C4orf50: variants seen among roughly 807,000 people sequenced by gnomAD.
C4orf50 encodes uncharacterized protein C4orf50.
A neutral mutation model predicts 77.2 loss-of-function variants in C4orf50; 80 were observed. The observed-to-expected ratio is 1.04, with a 90% CI of 0.87 to 1.25. The LOEUF (loss-of-function observed/expected upper bound fraction) is 1.25, where lower values mean the gene tolerates loss of function less well. C4orf50 is among the 50% of genes most tolerant of loss of function. C4orf50 has a pLI of 0.00. For missense variants in C4orf50, 1,257 were observed against 1,152.9 expected (o/e 1.09, Z -1.31); for synonymous variants, 532 against 465.3 (o/e 1.14, Z -1.84).
At chr4:5,930,144 C>T (rs1450223943) in intron 7 of C4orf50, among the ~76,000 whole-genome samples, 5 of 152,130 alleles carry the variant, frequency 3.3e-5, no homozygotes, top group African/African-American at 1.2e-4. Context: ...CACTGAGAAT[C>T]GGGGAGCCTG....
chr4:5,982,623 A>G (rs1720654082), intron 28 of C4orf50, among the ~76,000 whole-genome samples: 1 of 152,172 alleles, frequency 6.6e-6, no homozygotes, highest in African/African-American at 2.4e-5. Context: ...GACAGTACCA[A>G]TTTGTAGCAT....
exon 28 of C4orf50, chr4:5,989,542 C>T: frequency 1.3e-6 from 2 of 1,536,144 alleles, no homozygotes; most frequent in Non-Finnish European, 1.7e-6. Flanking sequence ...GTTCTCTCCC[C>T]TACATGCAGA....
chr4:6,017,666 T>G lies in C4orf50; in HGVS notation c.287+479A>C, dbSNP rs1347558991. Among the ~76,000 whole-genome samples, 1 of 152,162 alleles carries G rather than the reference T, an allele frequency of 6.6e-6. No homozygotes were observed. The highest frequency in any genetic ancestry group is 1.5e-5 in the Non-Finnish European group (1 of 68,034). On this transcript the variant is annotated intron_variant, in intron 23 of 33. Transcript: ENST00000531445. This position sits in a 1 kb window ranked among gnomAD's most constrained non-coding sequence, Gnocchi z 4.7. ...TGGGTTGGGGATGGAAGGTTTGCTG[T>G]GTGGACATCTACTTGTCTGGCGGCT...
intron 25 of C4orf50, among the ~76,000 whole-genome samples, chr4:5,996,368 TG>T (rs916898151): frequency 1.3e-5 from 2 of 152,134 alleles, no homozygotes; most frequent in Non-Finnish European, 2.9e-5. Flanking sequence ...TGGATCTGGT[TG>T]CTCCCTGCTT....
chr4:5,962,673 C>T (rs868745885), intron 33 of C4orf50, among the ~76,000 whole-genome samples: 5 of 152,228 alleles, frequency 3.3e-5, no homozygotes, highest in Non-Finnish European at 7.3e-5. Context: ...CCAGCTCTGC[C>T]GCTTATGAGC....
chr4:5,921,016 C>G (rs1717245959), intron 7 of C4orf50, among the ~76,000 whole-genome samples: 1 of 152,196 alleles, frequency 6.6e-6, no homozygotes, highest in African/African-American at 2.4e-5. Flanking sequence ...CTGACCACAG[C>G]TGGGATTTCT....
At chr4:5,931,010 T>G (rs558999113) in intron 7 of C4orf50, among the ~76,000 whole-genome samples, 1 of 152,174 alleles carries the variant, frequency 6.6e-6, no homozygotes, top group African/African-American at 2.4e-5. Context: ...ACAGTTCAGG[T>G]CCAGCTGGCA....
exon 28 of C4orf50, chr4:5,989,357 T>C: frequency 6.5e-7 from 1 of 1,536,020 alleles, no homozygotes; most frequent in African/African-American, 1.4e-5. Context: ...TGAGGCAGTG[T>C]CCCTGGGTTA....
Position 5,943,286 on chromosome 4 carries a change from A to ATCT in C4orf50, c.*2474+13612_*2474+13614dup, listed in dbSNP as rs1239578304. Among the ~76,000 whole-genome samples, 12 of 152,354 alleles carry ATCT rather than the reference A, an allele frequency of 7.9e-5. No individual in the cohort carries two copies. The East Asian group carries it at 2.3e-3, about 29-fold the overall frequency. ...TCTGAACACAACAGAACCGAACAGT[A>ATCT]TCTTCATGGTTCTGTTTCTTTGCAT... On this transcript the variant is annotated intron_variant, in intron 7 of 7. Coordinates refer to the C4orf50 transcript ENST00000324058.
rs1381191514 is a variant in C4orf50 at position 6,000,987 on chromosome 4, C to T, written c.964-6511G>A. 1.8e-4 allele frequency among the ~76,000 whole-genome samples: 28 copies of T among 152,104 alleles called. No individual in the cohort carries two copies. The highest frequency in any genetic ancestry group is 1.6e-3 in the Admixed American group (25 of 15,270). ...AAGTGGCAGGAGAGCCCACCTCCAC[C>T]GGAAGTTAGAGCAAGTGATACCAGA... On this transcript the variant is annotated intron_variant, in intron 25 of 33. Transcript: ENST00000531445. The surrounding 1 kb of genome is among the most constrained non-coding windows in gnomAD (Gnocchi z 6.0).
chr4:5,966,197 C>T (rs981912542), intron 32 of C4orf50, among the ~76,000 whole-genome samples: 1 of 152,132 alleles, frequency 6.6e-6, no homozygotes, highest in Non-Finnish European at 1.5e-5. Context: ...AAAAGTAGGC[C>T]GGGTGCAGTG....
chr4:5,934,456 G>A (rs571579594), intron 7 of C4orf50, among the ~76,000 whole-genome samples: 56 of 152,284 alleles, frequency 3.7e-4, no homozygotes, highest in African/African-American at 1.3e-3. Flanking sequence ...TGCAGGAGAA[G>A]CTCCAGGCTC....
chr4:5,943,557 T>A lies in C4orf50; in HGVS notation c.*2474+13344A>T, dbSNP rs28719502. On this transcript the variant is annotated intron_variant, in intron 7 of 7. Transcript: ENST00000324058. ...AGACCTCACTGTGCCTCAGTTTCCT[T>A]ATCTGCAAAATGGGTATCCTCTTTC... Among the ~76,000 whole-genome samples the A allele has an allele frequency of 6.7e-3, 1,017 of 152,298 alleles. 18 individuals are homozygous for A. The highest frequency in any genetic ancestry group is 0.023 in the African/African-American group (974 of 41,546).
chr4:5,963,546 C>T (rs1166827032), intron 33 of C4orf50, among the ~76,000 whole-genome samples: 3 of 151,938 alleles, frequency 2.0e-5, no homozygotes, highest in African/African-American at 7.3e-5. Flanking sequence ...ATTGTCCCAA[C>T]AAGCCTGAGA....
At chr4:5,979,719 C>T (rs1187351968) in intron 29 of C4orf50, among the ~76,000 whole-genome samples, 1 of 152,234 alleles carries the variant, frequency 6.6e-6, no homozygotes, top group East Asian at 1.9e-4. Flanking sequence ...TTTTGCAAAA[C>T]TATAGTGTCA....
At chr4:5,928,517 A>G (rs549712573) in intron 7 of C4orf50, among the ~76,000 whole-genome samples, 35 of 152,314 alleles carry the variant, frequency 2.3e-4, no homozygotes, top group African/African-American at 7.9e-4. Context: ...CAGGAGGCAG[A>G]TCTGTGTGCT....
At chr4:5,955,589 C>T (rs80275151), downstream of C4orf50, among the ~76,000 whole-genome samples, 502 of 152,272 alleles carry the variant, frequency 3.3e-3, 2 homozygotes, top group African/African-American at 0.011. This position sits in a 1 kb window ranked among gnomAD's most constrained non-coding sequence, Gnocchi z 5.1. Context: ...GGGATAGGAA[C>T]GCAGGACCAT....
chr4:5,909,814 G>A (rs578011763), intron 7 of C4orf50, among the ~76,000 whole-genome samples: 7 of 152,334 alleles, frequency 4.6e-5, no homozygotes, highest in African/African-American at 1.4e-4. Flanking sequence ...TCAGTTGGCT[G>A]TAGATATGTG....
chr4:5,980,440 T>G (rs566755848), intron 28 of C4orf50, 102 bp from the exon 7 acceptor site: 14,209 of 1,095,736 alleles, frequency 0.013, 177 homozygotes, highest in African/African-American at 0.042. Flanking sequence ...AGTTTTTTTT[T>G]TTGTTGTTGT....
Sources: allele counts gnomAD v4.1 joint callset (sites outside exome capture counted in the v4.1 genomes callset), GRCh38; gene constraint gnomAD v4.1.1; non-coding constraint Gnocchi (gnomAD v3.1); transcripts MANE v1.5; gene names NCBI Gene and HGNC (gene_info 2026-07-23, HGNC 2026-07-21).